The following CDH20 variants were observed in gnomAD, a reference collection of about 807,000 sequenced individuals.
CDH20 encodes the protein cadherin-20.
Under a neutral mutation model 74.2 loss-of-function variants are expected in CDH20, and 29 were observed. The observed-to-expected ratio is 0.39, with a 90% CI of 0.29 to 0.53. The LOEUF (loss-of-function observed/expected upper bound fraction) is 0.53. Among genes scored for constraint, CDH20 ranks in the 20% least tolerant of loss-of-function variants. CDH20 has a pLI of 0.69. For synonymous variants in CDH20, 469 were observed against 405.4 expected (o/e 1.16, Z -1.88); for missense variants, 988 against 1,048.3 (o/e 0.94, Z 0.79).
intron 1 of CDH20, among the ~76,000 whole-genome samples, chr18:61,404,393 A>G (rs897240957): frequency 2.0e-5 from 3 of 152,174 alleles, no homozygotes; most frequent in Admixed American, 1.3e-4. Flanking sequence ...AAAGGCCACT[A>G]ACCCACCAAA....
intron 1 of CDH20, among the ~76,000 whole-genome samples, chr18:61,396,999 T>G (rs1005171479): frequency 6.6e-6 from 1 of 152,188 alleles, no homozygotes; most frequent in Non-Finnish European, 1.5e-5. Flanking sequence ...ATGAACTATT[T>G]GGTTTCTATG....
intron 1 of CDH20, among the ~76,000 whole-genome samples, chr18:61,476,516 T>C (rs1468697985): frequency 1.3e-5 from 2 of 152,200 alleles, no homozygotes; most frequent in Admixed American, 1.3e-4. Context: ...TGAGGTGATT[T>C]ATTTTATAAC....
chr18:61,452,540 G>T (rs1453703249), intron 1 of CDH20, among the ~76,000 whole-genome samples: 1 of 152,108 alleles, frequency 6.6e-6, no homozygotes, highest in Non-Finnish European at 1.5e-5. Flanking sequence ...GAATCCCAAA[G>T]TTTTATAATA....
In CDH20 at chr18:61,515,466, T is replaced by C. The variant is rs1911965224; in HGVS notation, c.1017+7906T>C. Among the ~76,000 whole-genome samples the C allele has an allele frequency of 2.0e-5, 3 of 152,130 alleles. No homozygotes were observed. The South Asian group carries it at 6.2e-4, about 32-fold the overall frequency. On this transcript the variant is annotated intron_variant, in intron 6 of 11. Transcript: ENST00000262717. ...ATGCAGAAATCACCCGTCTTCTGCG[T>C]TGCTCACGCTGGGAGCTGTAGACCG...
At position 61,554,541 on chromosome 18, in the gene CDH20, A is replaced by AG. The variant is rs1223242724; in HGVS notation, c.2257dup (p.Asp753GlyfsTer85). 6 of 1,612,988 alleles carry AG rather than the reference A, an allele frequency of 3.7e-6. No homozygotes were observed. Among genetic ancestry groups the AG allele is most frequent in the Non-Finnish European group, 5.1e-6 (6 of 1,179,874 alleles). ...GACTCCCTCCAGACGTATATGTTCG[A>AG]GGGGGACGGCTCTGTGGCGGGGTCG... On this transcript the variant is annotated frameshift_variant, in exon 12 of 12. Coordinates refer to ENST00000262717, the MANE Select transcript of CDH20 (RefSeq NM_031891.4). LOFTEE classifies it high-confidence loss of function.
At chr18:61,363,180 C>G (rs1910755756) in intron 1 of CDH20, among the ~76,000 whole-genome samples, 1 of 152,172 alleles carries the variant, frequency 6.6e-6, no homozygotes, top group Non-Finnish European at 1.5e-5. Context: ...AGTTTACCGT[C>G]TAGCTTGGAT....
chr18:61,536,647 T>G lies in CDH20; in HGVS notation c.1408+18T>G. 4.3e-6 allele frequency: 7 copies of G among 1,611,774 alleles called. No individual in the cohort carries two copies. Among genetic ancestry groups the G allele is most frequent in the Non-Finnish European group, 5.9e-6 (7 of 1,178,202 alleles). ...GGAAATGAGTAAGTAGCACAGTAAG[T>G]TGGTCTCCATGCAGTGACAAAATAT... On this transcript the variant is annotated intron_variant, in intron 8 of 11. Transcript: ENST00000262717.
At chr18:61,340,897 T>C (rs1909926487) in intron 1 of CDH20, among the ~76,000 whole-genome samples, 1 of 152,234 alleles carries the variant, frequency 6.6e-6, no homozygotes. Context: ...CAAATATATG[T>C]TTCTTTTTAA....
At chr18:61,481,968 G>A (rs191776631) in intron 1 of CDH20, among the ~76,000 whole-genome samples, 4 of 151,054 alleles carry the variant, frequency 2.6e-5, no homozygotes, top group African/African-American at 9.8e-5. Context: ...ATTCTAGCGT[G>A]AGAGGGGATT....
intron 11 of CDH20, among the ~76,000 whole-genome samples, chr18:61,551,637 C>T (rs542493379): frequency 1.3e-5 from 2 of 152,182 alleles, no homozygotes; most frequent in Admixed American, 6.5e-5. Flanking sequence ...AAAATTGTTA[C>T]GGTTTCTGGT....
intron 1 of CDH20, among the ~76,000 whole-genome samples, chr18:61,420,724 C>T (rs1015536994): frequency 6.6e-6 from 1 of 152,126 alleles, no homozygotes; most frequent in Non-Finnish European, 1.5e-5. Flanking sequence ...GACTCCTACT[C>T]ATCACCACAT....
chr18:61,540,703 A>G (rs1913004903), intron 9 of CDH20, among the ~76,000 whole-genome samples: 1 of 152,142 alleles, frequency 6.6e-6, no homozygotes. Flanking sequence ...CAGCCAAACC[A>G]TATCACTTCA....
chr18:61,339,937 G>A (rs947380176), intron 1 of CDH20, among the ~76,000 whole-genome samples: 4 of 151,766 alleles, frequency 2.6e-5, no homozygotes, highest in African/African-American at 4.8e-5. Context: ...TAATCCGCCC[G>A]CCTCGGCCTC....
chr18:61,497,771 T>C (rs1051493030), intron 2 of CDH20, among the ~76,000 whole-genome samples: 8 of 152,282 alleles, frequency 5.3e-5, no homozygotes, highest in Admixed American at 3.9e-4. Flanking sequence ...GCCCTGAATT[T>C]ATAGCTGGCC....
intron 1 of CDH20, among the ~76,000 whole-genome samples, chr18:61,344,858 A>T (rs1285471218): frequency 2.0e-5 from 3 of 152,150 alleles, no homozygotes; most frequent in Non-Finnish European, 4.4e-5. Flanking sequence ...GGTTTTTTTT[A>T]AAGATAATTT....
chr18:61,390,447 T>TG (rs1275204901), intron 1 of CDH20, among the ~76,000 whole-genome samples: 1 of 152,158 alleles, frequency 6.6e-6, no homozygotes, highest in Non-Finnish European at 1.5e-5. Context: ...CTACCAAACT[T>TG]GCGACAGGAT....
At chr18:61,340,138 CT>C (rs1909898708) in intron 1 of CDH20, among the ~76,000 whole-genome samples, 1 of 150,918 alleles carries the variant, frequency 6.6e-6, no homozygotes, top group Non-Finnish European at 1.5e-5. Flanking sequence ...TGGTTTATAA[CT>C]AAAATAAGCA....
Position 61,355,132 on chromosome 18 carries a change from G to A in CDH20, c.-153+21305G>A, listed in dbSNP as rs574303845. Among the ~76,000 whole-genome samples the A allele has an allele frequency of 1.4e-4, 22 of 152,314 alleles. No homozygotes were observed. In the East Asian group the frequency reaches 3.9e-3, roughly 27 times the overall value. ...TTCAATAATCTGTTAATATGTTGATGAAAGTTTACCTTATTTCAGATCATA... is the reference window on the plus strand; with the variant it reads ...TTCAATAATCTGTTAATATGTTGATAAAAGTTTACCTTATTTCAGATCATA... On this transcript the variant is annotated intron_variant, in intron 1 of 11. Transcript: ENST00000262717.
At chr18:61,380,707 G>A (rs916062621) in intron 1 of CDH20, among the ~76,000 whole-genome samples, 2 of 152,196 alleles carry the variant, frequency 1.3e-5, no homozygotes, top group African/African-American at 4.8e-5. Context: ...TACTTGGGAG[G>A]CTGAGGCAGG....
Sources: allele counts gnomAD v4.1 joint callset (sites outside exome capture counted in the v4.1 genomes callset), GRCh38; gene constraint gnomAD v4.1.1; transcripts MANE v1.5; gene names NCBI Gene and HGNC (gene_info 2026-07-23, HGNC 2026-07-21).